CSMD1: variants seen among roughly 807,000 people sequenced by gnomAD.
The protein encoded by CSMD1 is CUB and Sushi multiple domains 1.
In CSMD1, 213 loss-of-function variants were observed where a neutral mutation model predicts 417.5. The observed-to-expected ratio is 0.51, with a 90% confidence interval of 0.46 to 0.57. The LOEUF (loss-of-function observed/expected upper bound fraction) is 0.57. Among genes scored for constraint, CSMD1 ranks in the 20% least tolerant of loss-of-function variants. The pLI, the probability that CSMD1 is intolerant of heterozygous loss-of-function variation, is 0.00. For synonymous variants in CSMD1, 2,862 were observed against 1,736.8 expected, an observed-to-expected ratio of 1.65 and a Z score of -16.11; for missense variants, 6,923 against 4,529.7, an observed-to-expected ratio of 1.53 and a Z score of -15.17.
intron 2 of CSMD1, among the ~76,000 whole-genome samples, chr8:4,549,574 T>A (rs913772995): frequency 2.0e-5 from 3 of 152,078 alleles, no homozygotes; most frequent in Non-Finnish European, 2.9e-5. Flanking sequence ...CATTACGTGA[T>A]GCTGGCACTC....
intron 26 of CSMD1, among the ~76,000 whole-genome samples, chr8:3,240,649 A>T (rs1799437862): frequency 6.6e-6 from 1 of 152,068 alleles, no homozygotes; most frequent in Admixed American, 6.6e-5. Context: ...AGAGAAAGTG[A>T]AGAGAGGCTG....
At chr8:4,171,378 T>C (rs1038627866) in intron 3 of CSMD1, among the ~76,000 whole-genome samples, 2 of 151,928 alleles carry the variant, frequency 1.3e-5, no homozygotes, top group Non-Finnish European at 2.9e-5. Context: ...CTCTACAATT[T>C]CTTATGGTAT....
At chr8:4,895,484 A>C (rs6558935) in intron 1 of CSMD1, among the ~76,000 whole-genome samples, 9 of 152,170 alleles carry the variant, frequency 5.9e-5, no homozygotes, top group African/African-American at 1.9e-4. Context: ...TTTGTCTAGT[A>C]CATGTTTTCT....
chr8:4,389,869 C>T (rs968107228), intron 3 of CSMD1, among the ~76,000 whole-genome samples: 2 of 152,094 alleles, frequency 1.3e-5, no homozygotes, highest in African/African-American at 2.4e-5. Flanking sequence ...ATATATCTCC[C>T]GCCCTACTAA....
chr8:3,421,427 T>C (rs773057721), intron 12 of CSMD1, among the ~76,000 whole-genome samples: 4 of 152,230 alleles, frequency 2.6e-5, no homozygotes, highest in South Asian at 2.1e-4. Flanking sequence ...CAGGTTGTGA[T>C]TAAGAAAAGA....
chr8:4,963,126 C>T (rs1324198759), intron 1 of CSMD1, among the ~76,000 whole-genome samples: 1 of 152,118 alleles, frequency 6.6e-6, no homozygotes, highest in Non-Finnish European at 1.5e-5. Context: ...CATGGGTGGC[C>T]CTCCTACAGG....
intron 3 of CSMD1, among the ~76,000 whole-genome samples, chr8:4,352,720 A>AC (rs1309282778): frequency 1.3e-5 from 2 of 152,188 alleles, no homozygotes; most frequent in African/African-American, 4.8e-5. Flanking sequence ...ACAAATAAGA[A>AC]CCCTCTGTTC....
At chr8:3,691,989 C>A (rs1444924071) in intron 7 of CSMD1, among the ~76,000 whole-genome samples, 1 of 152,186 alleles carries the variant, frequency 6.6e-6, no homozygotes, top group Non-Finnish European at 1.5e-5. Context: ...TTGTCCAGCT[C>A]ATGAGACAGG....
intron 5 of CSMD1, among the ~76,000 whole-genome samples, chr8:3,768,351 A>G (rs965683691): frequency 6.6e-6 from 1 of 152,198 alleles, no homozygotes; most frequent in East Asian, 1.9e-4. Context: ...CATCTTCAAT[A>G]TGATTGGGAA....
At chr8:3,223,970 C>T in intron 27 of CSMD1, 103 bp from the exon 28 acceptor site, 1 of 1,162,384 alleles carries the variant, frequency 8.6e-7, no homozygotes, top group Non-Finnish European at 1.2e-6. Flanking sequence ...AAAAAGACAT[C>T]AGCATTTTTA....
chr8:3,530,142 T>A (rs889258556), intron 10 of CSMD1, among the ~76,000 whole-genome samples: 6 of 152,176 alleles, frequency 3.9e-5, no homozygotes, highest in Admixed American at 3.3e-4. Context: ...TAAGTTCATT[T>A]TCTCTGTTGT....
chr8:4,875,941 C>T (rs1563650424), intron 1 of CSMD1, among the ~76,000 whole-genome samples: 1 of 151,986 alleles, frequency 6.6e-6, no homozygotes, highest in Non-Finnish European at 1.5e-5. Context: ...GAATTTTCTT[C>T]ATTAATAAGA....
intron 56 of CSMD1, 122 bp downstream of exon 56, chr8:2,974,329 T>C: frequency 2.1e-6 from 2 of 948,424 alleles, no homozygotes; most frequent in Non-Finnish European, 3.0e-6. Context: ...GCAATACTAA[T>C]TTCAAATAAA....
chr8:3,407,829 C>T (rs1008015676), intron 14 of CSMD1, 70 bp downstream of exon 14: 6 of 1,354,686 alleles, frequency 4.4e-6, no homozygotes, highest in African/African-American at 4.4e-5. Context: ...ACTTCACATA[C>T]ATATAAGCAA....
In CSMD1 at chr8:3,675,188, T is replaced by G. The variant is rs1041680165; in HGVS notation, c.1009+33226A>C. Reference sequence around the variant, plus strand: ...GTCTTTCCCCACTAGTGGCTCCTTTTCTCCTCACAGAAGGCCTGACCACAC... The same window carrying G: ...GTCTTTCCCCACTAGTGGCTCCTTTGCTCCTCACAGAAGGCCTGACCACAC... On this transcript the variant is annotated intron_variant, in intron 7 of 69. Coordinates refer to ENST00000635120, the MANE Select transcript of CSMD1 (RefSeq NM_033225.6). 1.2e-4 allele frequency among the ~76,000 whole-genome samples: 19 copies of G among 152,144 alleles called. 1 individual carries two copies. The highest frequency in any genetic ancestry group is 3.9e-4 in the African/African-American group (16 of 41,436).
At chr8:4,588,720 G>A (rs1193283474) in intron 2 of CSMD1, among the ~76,000 whole-genome samples, 2 of 151,854 alleles carry the variant, frequency 1.3e-5, no homozygotes, top group Non-Finnish European at 2.9e-5. Flanking sequence ...GGGAGGCAGA[G>A]GTTGCAGTAA....
At chr8:3,737,929 T>A (rs1048245426) in intron 6 of CSMD1, among the ~76,000 whole-genome samples, 5 of 152,210 alleles carry the variant, frequency 3.3e-5, no homozygotes, top group African/African-American at 9.6e-5. Context: ...TAAAGGTAGA[T>A]AATTGTCAAG....
chr8:4,332,203 A>C (rs958943325), intron 3 of CSMD1, among the ~76,000 whole-genome samples: 1 of 152,118 alleles, frequency 6.6e-6, no homozygotes, highest in African/African-American at 2.4e-5. Flanking sequence ...GTTTGTGAGC[A>C]AACAGGTGCG....
intron 2 of CSMD1, among the ~76,000 whole-genome samples, chr8:4,590,963 G>C (rs574170226): frequency 6.6e-6 from 1 of 152,264 alleles, no homozygotes; most frequent in Non-Finnish European, 1.5e-5. Flanking sequence ...AACACACCTG[G>C]TTGCTGTCTT....
Sources: allele counts gnomAD v4.1 joint callset (sites outside exome capture counted in the v4.1 genomes callset), GRCh38; gene constraint gnomAD v4.1.1; transcripts MANE v1.5; gene names NCBI Gene and HGNC (gene_info 2026-07-23, HGNC 2026-07-21).